The following PRDM16 variants were observed in gnomAD, a reference collection of about 807,000 sequenced individuals.
The protein encoded by PRDM16 is histone-lysine N-methyltransferase PRDM16.
In PRDM16, 23 loss-of-function variants were observed where a neutral mutation model predicts 110.6. That is an observed-to-expected ratio of 0.21 (90% CI 0.15 to 0.29). The LOEUF (loss-of-function observed/expected upper bound fraction) is 0.29, where lower values mean the gene tolerates loss of function less well. Ranked by LOEUF, PRDM16 falls within the 10% of genes least tolerant of loss-of-function variation. The pLI is 1.00. For synonymous variants in PRDM16, 799 were observed against 781.8 expected (o/e 1.02, Z -0.37); for missense variants, 1,615 against 1,794.3 (o/e 0.90, Z 1.81).
intron 3 of PRDM16, among the ~76,000 whole-genome samples, chr1:3,282,380 G>A (rs749371742): frequency 6.6e-6 from 1 of 152,176 alleles, no homozygotes; most frequent in Non-Finnish European, 1.5e-5. Flanking sequence ...CCTCGACCCA[G>A]AGACCTTGTC....
rs1643277132 is a variant in PRDM16 at position 3,390,325 on chromosome 1, G to A, written c.573+5039G>A. ...GGCTGAGGTCAAACACAAATGTCGG[G>A]GAGCTGGACTCAGGGGTGCGGGCCC... On this transcript the variant is annotated intron_variant, in intron 4 of 16. Coordinates refer to ENST00000270722, the MANE Select transcript of PRDM16 (RefSeq NM_022114.4). This position sits in a 1 kb window ranked among gnomAD's most constrained non-coding sequence, Gnocchi z 5.0. Among the ~76,000 whole-genome samples the A allele has an allele frequency of 6.6e-6, 1 of 152,156 alleles. No individual in the cohort carries two copies. The highest frequency in any genetic ancestry group is 2.4e-5 in the African/African-American group (1 of 41,448).
chr1:3,258,914 G>A (rs1393220624), intron 3 of PRDM16, among the ~76,000 whole-genome samples: 2 of 152,208 alleles, frequency 1.3e-5, no homozygotes, highest in South Asian at 2.1e-4. Flanking sequence ...GATAATTATC[G>A]GAAGAGAATC....
intron 5 of PRDM16, 79 bp downstream of exon 5, chr1:3,396,672 G>A (rs1643391205): frequency 3.1e-6 from 2 of 640,416 alleles, no homozygotes; most frequent in Non-Finnish European, 5.4e-6. Context: ...TGCCTGGGAG[G>A]ACCGAGGGCC....
At chr1:3,293,808 G>C (rs1459534604) in intron 3 of PRDM16, among the ~76,000 whole-genome samples, 6 of 152,196 alleles carry the variant, frequency 3.9e-5, no homozygotes, top group Admixed American at 3.9e-4. Context: ...TCCTTTGTCG[G>C]CTTCTCCATC....
At chr1:3,268,491 C>T (rs112507711) in intron 3 of PRDM16, among the ~76,000 whole-genome samples, 179 of 152,282 alleles carry the variant, frequency 1.2e-3, no homozygotes, top group African/African-American at 4.1e-3. Flanking sequence ...GGAGGGCAGA[C>T]GGGCCCTGCG....
intron 1 of PRDM16, among the ~76,000 whole-genome samples, chr1:3,150,555 C>G (rs1367252134): frequency 6.6e-6 from 1 of 152,122 alleles, no homozygotes; most frequent in Non-Finnish European, 1.5e-5. Context: ...GAGACTCCAT[C>G]TCAAAGATAA....
chr1:3,301,355 A>G (rs1381646964), intron 3 of PRDM16, among the ~76,000 whole-genome samples: 1 of 151,862 alleles, frequency 6.6e-6, no homozygotes, highest in Admixed American at 6.6e-5. Context: ...AAAAAGAAAA[A>G]AAAAAAGGAA....
intron 3 of PRDM16, among the ~76,000 whole-genome samples, chr1:3,258,800 C>T (rs557351293): frequency 9.2e-5 from 14 of 152,350 alleles, no homozygotes; most frequent in East Asian, 1.9e-4. Flanking sequence ...GGTGAGCGCG[C>T]GGCGGCTTCT....
At chr1:3,375,124 C>T (rs916799843) in intron 3 of PRDM16, among the ~76,000 whole-genome samples, 1 of 152,188 alleles carries the variant, frequency 6.6e-6, no homozygotes. Flanking sequence ...GAGGCAGGAC[C>T]CCAGACAACC....
At chr1:3,141,427 G>A (rs536843254) in intron 1 of PRDM16, among the ~76,000 whole-genome samples, 3 of 152,336 alleles carry the variant, frequency 2.0e-5, no homozygotes, top group Admixed American at 6.5e-5. Flanking sequence ...CGGTCTCCCC[G>A]CATTAGCAGA....
intron 1 of PRDM16, among the ~76,000 whole-genome samples, chr1:3,089,236 G>A (rs1274383450): frequency 6.6e-6 from 1 of 152,258 alleles, no homozygotes; most frequent in Non-Finnish European, 1.5e-5. Context: ...CCTGGAGAAG[G>A]GGTGTGGACC....
intron 1 of PRDM16, among the ~76,000 whole-genome samples, chr1:3,181,628 ATG>A (rs1433678533): frequency 7.3e-6 from 1 of 137,498 alleles, no homozygotes; most frequent in Non-Finnish European, 1.5e-5. Context: ...GGTCTTACAC[ATG>A]CAGTCTTACA....
chr1:3,073,983 C>G (rs1207906109), intron 1 of PRDM16, among the ~76,000 whole-genome samples: 4 of 152,180 alleles, frequency 2.6e-5, no homozygotes, highest in South Asian at 2.1e-4. Context: ...ACCCGCGCCC[C>G]GAGAGACGCG....
intron 3 of PRDM16, among the ~76,000 whole-genome samples, chr1:3,272,429 C>T (rs1272524144): frequency 2.6e-5 from 4 of 152,264 alleles, no homozygotes; most frequent in African/African-American, 4.8e-5. Context: ...CCCACAGGCA[C>T]GCGCTGGACT....
chr1:3,340,273 C>T (rs923557076), intron 3 of PRDM16, among the ~76,000 whole-genome samples: 1 of 152,094 alleles, frequency 6.6e-6, no homozygotes, highest in African/African-American at 2.4e-5. Context: ...GCCCACCCTC[C>T]AAGCCACCAT....
chr1:3,423,774 C>T (rs1193007012), intron 12 of PRDM16, among the ~76,000 whole-genome samples: 1 of 152,216 alleles, frequency 6.6e-6, no homozygotes, highest in African/African-American at 2.4e-5. Flanking sequence ...GGCCTGGTCT[C>T]CAGCTGCTAC....
At chr1:3,432,497 C>T (rs1638795343) in intron 16 of PRDM16, among the ~76,000 whole-genome samples, 1 of 152,220 alleles carries the variant, frequency 6.6e-6, no homozygotes, top group Admixed American at 6.5e-5. Flanking sequence ...CAGTGGCCTG[C>T]AGCCCGGGCT....
At chr1:3,178,228 T>A (rs1250604945) in intron 1 of PRDM16, among the ~76,000 whole-genome samples, 1 of 152,186 alleles carries the variant, frequency 6.6e-6, no homozygotes, top group South Asian at 2.1e-4. Flanking sequence ...GAGAAAGCAG[T>A]TGCAGGGGCA....
chr1:3,270,462 CGG>C (rs1640419508), intron 3 of PRDM16, among the ~76,000 whole-genome samples: 22 of 148,452 alleles, frequency 1.5e-4, no homozygotes, highest in Admixed American at 1.3e-3. Context: ...GGAGGACAGT[CGG>C]CGAGGAGGAC....
Sources: allele counts gnomAD v4.1 joint callset (sites outside exome capture counted in the v4.1 genomes callset), GRCh38; gene constraint gnomAD v4.1.1; non-coding constraint Gnocchi (gnomAD v3.1); transcripts MANE v1.5; gene names NCBI Gene and HGNC (gene_info 2026-07-23, HGNC 2026-07-21).